NXPH2: variants seen among roughly 807,000 people sequenced by gnomAD.
NXPH2 encodes the protein neurexophilin-2.
NXPH2 carries 5 observed loss-of-function variants against 19.8 expected under a neutral mutation model. The observed-to-expected ratio is 0.25, with a 90% confidence interval of 0.13 to 0.53. The LOEUF (loss-of-function observed/expected upper bound fraction) is 0.53. Among genes scored for constraint, NXPH2 ranks in the 20% least tolerant of loss-of-function variants. The pLI is 0.96. For synonymous variants in NXPH2, 154 were observed against 127.4 expected (o/e 1.21, Z -1.41); for missense variants, 289 against 322.8 (o/e 0.90, Z 0.80).
rs397766605 is a variant in NXPH2 at position 138,711,145 on chromosome 2, C to CTTTTTTTTTTTTTTTTT, written c.52-39481_52-39480insAAAAAAAAAAAAAAAAA. ...TGGAATTTCCTTCCCATTTCTATCA[C>CTTTTTTTTTTTTTTTTT]TTTTTTTTTTTTTGAGATTGAGTCT... On this transcript the variant is annotated intron_variant, in intron 1 of 1. Transcript: ENST00000272641. Among the ~76,000 whole-genome samples the CTTTTTTTTTTTTTTTTT allele has an allele frequency of 1.2e-3, 108 of 91,074 alleles. 7 individuals carry two copies. The highest frequency in any genetic ancestry group is 1.3e-3 in the Admixed American group (8 of 6,370). 59.7% of individuals were successfully genotyped at this position (91,074 alleles called of 152,430 possible). A position where few individuals can be genotyped will look rare whatever the true frequency, so the allele number is the denominator to read the frequency against.
intron 1 of NXPH2, among the ~76,000 whole-genome samples, chr2:138,747,618 A>G (rs1406701612): frequency 6.6e-6 from 1 of 152,168 alleles, no homozygotes; most frequent in African/African-American, 2.4e-5. Flanking sequence ...GTGGGTGTCA[A>G]AAAGGGGGCC....
In NXPH2 at chr2:138,691,829, T is replaced by A. The variant is rs79251688; in HGVS notation, c.52-20164A>T. Among the ~76,000 whole-genome samples the A allele has an allele frequency of 8.3e-4, 127 of 152,180 alleles. 4 individuals carry two copies. The East Asian group carries it at 0.024, about 29-fold the overall frequency. ...CAGATCAGTTCAGCTGTCAGGTGAGTACCACTGAGCAATCCCAGTCAATGC... is the reference window on the plus strand; with the variant it reads ...CAGATCAGTTCAGCTGTCAGGTGAGAACCACTGAGCAATCCCAGTCAATGC... On this transcript the variant is annotated intron_variant, in intron 1 of 1. Coordinates refer to ENST00000272641, the MANE Select transcript of NXPH2 (RefSeq NM_007226.3).
intron 1 of NXPH2, among the ~76,000 whole-genome samples, chr2:138,713,200 G>A (rs113015966): frequency 6.6e-6 from 1 of 152,170 alleles, no homozygotes; most frequent in South Asian, 2.1e-4. Flanking sequence ...ATGGATCTGC[G>A]ACTGGGCTCC....
At chr2:138,684,923 T>C (rs866079979) in intron 1 of NXPH2, among the ~76,000 whole-genome samples, 1 of 152,240 alleles carries the variant, frequency 6.6e-6, no homozygotes, top group Non-Finnish European at 1.5e-5. Flanking sequence ...GTGAAATTCA[T>C]GGGAGTTTAA....
chr2:138,717,269 T>TA (rs748430208), intron 1 of NXPH2, among the ~76,000 whole-genome samples: 21 of 152,160 alleles, frequency 1.4e-4, no homozygotes, highest in Non-Finnish European at 7.3e-5. Flanking sequence ...CCTATGGCTT[T>TA]ATCCCACATG....
chr2:138,727,965 G>C lies in NXPH2; in HGVS notation c.51+52226C>G, dbSNP rs72988944. ...TCAGGCTGCCAGGGTACCAATCCTG[G>C]CTCCAGTATTTCCTAGGTATGTGAC... is the stretch of plus-strand genomic sequence containing the variant. On this transcript the variant is annotated intron_variant, in intron 1 of 1. Coordinates refer to ENST00000272641, the MANE Select transcript of NXPH2 (RefSeq NM_007226.3). Among the ~76,000 whole-genome samples the C allele has an allele frequency of 4.7e-3, 717 of 152,266 alleles. 7 individuals are homozygous for C. The highest frequency in any genetic ancestry group is 0.013 in the African/African-American group (543 of 41,550).
chr2:138,693,712 T>A (rs1449087034), intron 1 of NXPH2, among the ~76,000 whole-genome samples: 3 of 151,906 alleles, frequency 2.0e-5, no homozygotes, highest in Non-Finnish European at 4.4e-5. Context: ...TAGGTCTGAG[T>A]ATAGAGACAG....
intron 1 of NXPH2, among the ~76,000 whole-genome samples, chr2:138,744,704 T>C (rs1681699175): frequency 2.0e-5 from 3 of 151,574 alleles, no homozygotes; most frequent in Admixed American, 6.6e-5. Flanking sequence ...TCCCAGTCAC[T>C]CTCTCTCGGG....
At position 138,723,468 on chromosome 2, in the gene NXPH2, A is replaced by C. The variant is rs77482092; in HGVS notation, c.52-51803T>G. Among the ~76,000 whole-genome samples, 216 of 152,270 alleles carry C rather than the reference A, an allele frequency of 1.4e-3. 1 individual carries two copies. Among genetic ancestry groups the C allele is most frequent in the East Asian group, 0.012 (63 of 5,176 alleles). ...TACGCCATGAGGACACTCTTCTCTGAGTGAAGTTTTTATGTTAAGCCAACT... is the reference window on the plus strand; with the variant it reads ...TACGCCATGAGGACACTCTTCTCTGCGTGAAGTTTTTATGTTAAGCCAACT... On this transcript the variant is annotated intron_variant, in intron 1 of 1. Coordinates refer to ENST00000272641, the MANE Select transcript of NXPH2 (RefSeq NM_007226.3).
chr2:138,701,108 C>G (rs930535177), intron 1 of NXPH2, among the ~76,000 whole-genome samples: 11 of 152,124 alleles, frequency 7.2e-5, no homozygotes, highest in African/African-American at 2.4e-4. Context: ...TGCCAGGTAA[C>G]AGTGCTGTTG....
At chr2:138,730,369 CT>C (rs1681428670) in intron 1 of NXPH2, among the ~76,000 whole-genome samples, 1 of 151,918 alleles carries the variant, frequency 6.6e-6, no homozygotes, top group African/African-American at 2.4e-5. Context: ...CCTAAATTAC[CT>C]TTTTAAAGGC....
intron 1 of NXPH2, among the ~76,000 whole-genome samples, chr2:138,676,182 A>G (rs773610205): frequency 2.6e-5 from 4 of 152,206 alleles, no homozygotes; most frequent in Non-Finnish European, 4.4e-5. Context: ...AAGCTATCTG[A>G]CAGTGGTTTA....
At chr2:138,687,984 C>G (rs1680686692) in intron 1 of NXPH2, among the ~76,000 whole-genome samples, 1 of 152,118 alleles carries the variant, frequency 6.6e-6, no homozygotes, top group Non-Finnish European at 1.5e-5. Flanking sequence ...ATGCCTCCAG[C>G]TTTGTTCTTT....
chr2:138,762,998 G>T (rs951522456), intron 1 of NXPH2, among the ~76,000 whole-genome samples: 13 of 152,202 alleles, frequency 8.5e-5, no homozygotes, highest in Non-Finnish European at 1.5e-5. Flanking sequence ...ATAAGCAGGT[G>T]AAGTGATGAC....
chr2:138,752,172 C>G (rs6733884), intron 1 of NXPH2, among the ~76,000 whole-genome samples: 177 of 152,036 alleles, frequency 1.2e-3, no homozygotes, highest in Non-Finnish European at 4.6e-4. Flanking sequence ...ACACTCAAAT[C>G]TTATTTACTA....
At chr2:138,765,875 T>C (rs928928225) in intron 1 of NXPH2, among the ~76,000 whole-genome samples, 1 of 152,250 alleles carries the variant, frequency 6.6e-6, no homozygotes, top group Non-Finnish European at 1.5e-5. Context: ...TATTTGTGAT[T>C]GCCAATTTCA....
chr2:138,721,886 G>A (rs1449065793), intron 1 of NXPH2, among the ~76,000 whole-genome samples: 2 of 152,226 alleles, frequency 1.3e-5, no homozygotes, highest in Non-Finnish European at 2.9e-5. Flanking sequence ...AGTGTAGTGT[G>A]CTTTGAGTAT....
intron 1 of NXPH2, among the ~76,000 whole-genome samples, chr2:138,763,628 T>C (rs1682049820): frequency 6.6e-6 from 1 of 152,186 alleles, no homozygotes; most frequent in Non-Finnish European, 1.5e-5. Context: ...GAGAATCAGG[T>C]AGAGAAAGTA....
intron 1 of NXPH2, among the ~76,000 whole-genome samples, chr2:138,673,487 C>T (rs1015139368): frequency 3.9e-5 from 6 of 152,024 alleles, no homozygotes; most frequent in South Asian, 2.1e-4. Flanking sequence ...TACATCATCT[C>T]GAATATTTAT....
Sources: allele counts gnomAD v4.1 joint callset (sites outside exome capture counted in the v4.1 genomes callset), GRCh38; gene constraint gnomAD v4.1.1; transcripts MANE v1.5; gene names NCBI Gene and HGNC (gene_info 2026-07-23, HGNC 2026-07-21).